Variants in CAGE1 observed in about 807,000 individuals in gnomAD.
The protein encoded by CAGE1 is cancer antigen 1.
CAGE1 carries 66 observed loss-of-function variants against 94.9 expected under a neutral mutation model. That is an observed-to-expected ratio of 0.70 (90% CI 0.57 to 0.85). CAGE1 has a LOEUF of 0.85. CAGE1 is among the 40% of genes least tolerant of loss of function. The probability of loss-of-function intolerance (pLI) is 0.00; values close to 1 mark genes in which losing one functional copy is unlikely to be tolerated. For synonymous variants in CAGE1, 319 were observed against 321.0 expected (o/e 0.99, Z 0.07); for missense variants, 865 against 950.4 (o/e 0.91, Z 1.18).
chr6:7,366,887 A>G (rs1430330528), intron 7 of CAGE1, among the ~76,000 whole-genome samples: 1 of 152,134 alleles, frequency 6.6e-6, no homozygotes, highest in African/African-American at 2.4e-5. Flanking sequence ...TCAGGCTATT[A>G]AAATTTTTCC....
intron 5 of CAGE1, among the ~76,000 whole-genome samples, chr6:7,370,840 G>A (rs986308973): frequency 2.0e-5 from 3 of 152,072 alleles, no homozygotes; most frequent in African/African-American, 4.8e-5. Flanking sequence ...GGGCAATAAT[G>A]TCTTAATATT....
chr6:7,386,409 G>T (rs561931284), intron 2 of CAGE1, among the ~76,000 whole-genome samples: 2 of 152,136 alleles, frequency 1.3e-5, no homozygotes, highest in Non-Finnish European at 2.9e-5. Flanking sequence ...ATGAAGACAG[G>T]AAAGTTGTCA....
intron 13 of CAGE1, chr6:7,329,299 A>G (rs1251233322): frequency 2.7e-6 from 1 of 373,034 alleles, no homozygotes; most frequent in African/African-American, 2.1e-5. Context: ...TCGCTTGCTT[A>G]GAAAGCTGCA....
At chr6:7,352,301 A>AACAAC (rs764588952) in intron 11 of CAGE1, among the ~76,000 whole-genome samples, 1 of 112,632 alleles carries the variant, frequency 8.9e-6, no homozygotes, top group Non-Finnish European at 1.7e-5. Flanking sequence ...AAAAAAAAAA[A>AACAAC]AAAACAAAAA....
intron 11 of CAGE1, chr6:7,341,678 C>T (rs1056724223): frequency 5.0e-5 from 36 of 718,516 alleles, no homozygotes; most frequent in African/African-American, 3.1e-4. Flanking sequence ...TCAACCTTCA[C>T]GTACAGGCAG....
intron 4 of CAGE1, among the ~76,000 whole-genome samples, 159 bp downstream of exon 4, chr6:7,378,458 T>C (rs568964088): frequency 6.6e-6 from 1 of 152,168 alleles, no homozygotes; most frequent in South Asian, 2.1e-4. Context: ...AGATTATATA[T>C]ATATATATAC....
At position 7,339,450 on chromosome 6, in the gene CAGE1, C is replaced by T. The variant is rs1186283160; in HGVS notation, c.2370-5360G>A. 5 of 1,184,428 alleles carry T rather than the reference C, an allele frequency of 4.2e-6. No homozygotes were observed. The South Asian group carries it at 4.9e-5, about 11-fold the overall frequency. 73.4% of individuals were successfully genotyped at this position (1,184,428 alleles called of 1,614,324 possible). A position where few individuals can be genotyped will look rare whatever the true frequency, so the allele number is the denominator to read the frequency against. ...GATTTCTGTCCTGGTTGGTGTAACT[C>T]GCATCTCAACTCCAGAGTAGCCATC... On this transcript the variant is annotated intron_variant, in intron 11 of 13. Transcript: ENST00000502583. The surrounding 1 kb of genome is among the most constrained non-coding windows in gnomAD (Gnocchi z 4.7).
At chr6:7,344,119 A>C (rs1466663739) in intron 11 of CAGE1, among the ~76,000 whole-genome samples, 1 of 152,136 alleles carries the variant, frequency 6.6e-6, no homozygotes, top group Non-Finnish European at 1.5e-5. Context: ...CTTTGGTGGC[A>C]CTTGAGGAGC....
intron 7 of CAGE1, among the ~76,000 whole-genome samples, 164 bp from the exon 8 acceptor site, chr6:7,366,048 C>T (rs571203190): frequency 1.1e-3 from 171 of 152,074 alleles, no homozygotes; most frequent in Non-Finnish European, 2.2e-3. Context: ...GAGTTCAAGA[C>T]CAGCCTGATT....
intron 11 of CAGE1, chr6:7,341,243 C>T: frequency 1.5e-6 from 1 of 674,098 alleles, no homozygotes; most frequent in Non-Finnish European, 2.7e-6. Context: ...TGGAGGTAGC[C>T]AAAGGTGCTC....
At chr6:7,345,789 G>A (rs936741046) in intron 11 of CAGE1, among the ~76,000 whole-genome samples, 11 of 152,168 alleles carry the variant, frequency 7.2e-5, no homozygotes, top group East Asian at 1.9e-4. Flanking sequence ...GCTGGGCGTC[G>A]TGGCAGGCCC....
chr6:7,329,470 G>A (rs572203982), intron 13 of CAGE1, among the ~76,000 whole-genome samples: 135 of 152,242 alleles, frequency 8.9e-4, no homozygotes, highest in Non-Finnish European at 9.4e-4. Flanking sequence ...AGGGCTTTAT[G>A]CAACGGAGGG....
intron 11 of CAGE1, among the ~76,000 whole-genome samples, chr6:7,353,203 AT>A (rs1212495183): frequency 3.9e-5 from 6 of 152,198 alleles, no homozygotes; most frequent in Non-Finnish European, 8.8e-5. Flanking sequence ...TAAGAAAAAA[AT>A]AATCCCATCA....
intron 11 of CAGE1, among the ~76,000 whole-genome samples, chr6:7,354,434 T>C (rs1759884072): frequency 6.6e-6 from 1 of 152,236 alleles, no homozygotes; most frequent in Non-Finnish European, 1.5e-5. Context: ...TTAATTATTT[T>C]GGGTGAGGCA....
intron 11 of CAGE1, among the ~76,000 whole-genome samples, chr6:7,335,287 A>C (rs994909009): frequency 1.6e-4 from 25 of 152,226 alleles, no homozygotes; most frequent in African/African-American, 5.5e-4. Context: ...TAATGGTCAC[A>C]GGTTCTAGTG....
Position 7,368,753 on chromosome 6 carries a change from C to A in CAGE1, c.1939G>T (p.Val647Phe). ...AGTTTTTGCAGCATTATATCACTAACCTTCTCACTCTCTTTGAAATGTTCA... is the reference window on the plus strand; with the variant it reads ...AGTTTTTGCAGCATTATATCACTAAACTTCTCACTCTCTTTGAAATGTTCA... Reference protein sequence around the residue: ...DAEHFKESEKVSDIMLQKLKS... With the variant: ...DAEHFKESEKFSDIMLQKLKS... Residue 647 changes from valine (V) to phenylalanine (F), a missense_variant, in exon 7 of 14, where the codon GTT (valine) becomes TTT (phenylalanine). Val to Phe is a conservative substitution (Grantham distance 50, BLOSUM62 -1). Coordinates refer to ENST00000502583, the MANE Select transcript of CAGE1 (RefSeq NM_001170692.2). 6.4e-7 allele frequency: 1 copy of A among 1,560,208 alleles called. No individual in the cohort carries two copies. Among genetic ancestry groups the A allele is most frequent in the Non-Finnish European group, 8.7e-7 (1 of 1,151,638 alleles).
intron 11 of CAGE1, 110 bp downstream of exon 11, chr6:7,354,931 A>C (rs1412089165): frequency 1.3e-6 from 1 of 752,778 alleles, no homozygotes; most frequent in Non-Finnish European, 2.2e-6. Flanking sequence ...TTAATTAATA[A>C]AACTGCACAT....
At chr6:7,374,165 G>A (rs777103975) in intron 4 of CAGE1, 34 bp from the exon 5 acceptor site, 197 of 1,533,298 alleles carry the variant, frequency 1.3e-4, no homozygotes, top group Non-Finnish European at 1.6e-4. Flanking sequence ...AAGTGTGAAC[G>A]AGTAGAAAGA....
chr6:7,349,986 A>G (rs1484403667), intron 11 of CAGE1, among the ~76,000 whole-genome samples: 1 of 151,968 alleles, frequency 6.6e-6, no homozygotes, highest in African/African-American at 2.4e-5. Flanking sequence ...AGAACTCATC[A>G]ACCAACTATC....
Sources: allele counts gnomAD v4.1 joint callset (sites outside exome capture counted in the v4.1 genomes callset), GRCh38; gene constraint gnomAD v4.1.1; non-coding constraint Gnocchi (gnomAD v3.1); transcripts MANE v1.5; gene names NCBI Gene and HGNC (gene_info 2026-07-23, HGNC 2026-07-21).